EEFSEC: variants seen among roughly 807,000 people sequenced by gnomAD.
EEFSEC encodes eukaryotic elongation factor, selenocysteine-tRNA specific.
A neutral mutation model predicts 42.1 loss-of-function variants in EEFSEC; 43 were observed. That is an observed-to-expected ratio of 1.02 (90% confidence interval 0.80 to 1.32). The LOEUF (loss-of-function observed/expected upper bound fraction) is 1.32. EEFSEC is among the 40% of genes most tolerant of loss of function. The pLI, the probability that EEFSEC is intolerant of heterozygous loss-of-function variation, is 0.00. For synonymous variants in EEFSEC, 354 were observed against 339.1 expected, an observed-to-expected ratio of 1.04 and a Z score of -0.48; for missense variants, 745 against 803.6, an observed-to-expected ratio of 0.93 and a Z score of 0.88.
chr3:128,335,336 AG>A (rs1390730422), intron 4 of EEFSEC, among the ~76,000 whole-genome samples: 1 of 152,192 alleles, frequency 6.6e-6, no homozygotes, highest in Non-Finnish European at 1.5e-5. Flanking sequence ...AGAGAGTGAC[AG>A]GGATAGGCCA....
chr3:128,289,264 C>T (rs1472200028), intron 4 of EEFSEC, among the ~76,000 whole-genome samples: 1 of 152,188 alleles, frequency 6.6e-6, no homozygotes, highest in Non-Finnish European at 1.5e-5. Flanking sequence ...TCCCCACTCC[C>T]GCTTTATAGG....
intron 1 of EEFSEC, among the ~76,000 whole-genome samples, chr3:128,196,560 T>A (rs537847109): frequency 2.0e-5 from 3 of 152,366 alleles, no homozygotes; most frequent in African/African-American, 7.2e-5. Flanking sequence ...TAATTTTTTT[T>A]GGCTGCTTTT....
intron 1 of EEFSEC, among the ~76,000 whole-genome samples, chr3:128,180,997 G>A (rs2065399494): frequency 1.3e-5 from 2 of 152,206 alleles, no homozygotes; most frequent in East Asian, 1.9e-4. Flanking sequence ...AAATTTGAGA[G>A]ATCACTCCTG....
chr3:128,381,921 G>C (rs1368776415), intron 6 of EEFSEC, among the ~76,000 whole-genome samples: 1 of 152,214 alleles, frequency 6.6e-6, no homozygotes, highest in African/African-American at 2.4e-5. Context: ...GGCTGGGGCA[G>C]CAGGGAGCAG....
chr3:128,182,863 A>C (rs959024894), intron 1 of EEFSEC, among the ~76,000 whole-genome samples: 1 of 107,786 alleles, frequency 9.3e-6, no homozygotes, highest in Non-Finnish European at 1.7e-5. Flanking sequence ...CCTGCTTCCC[A>C]CCAGCCACAG....
chr3:128,287,083 A>G (rs1192406701), intron 4 of EEFSEC, among the ~76,000 whole-genome samples: 1 of 152,148 alleles, frequency 6.6e-6, no homozygotes, highest in African/African-American at 2.4e-5. Context: ...GTGGTTTTTT[A>G]CTGTGGTTGT....
intron 6 of EEFSEC, among the ~76,000 whole-genome samples, chr3:128,371,693 G>A (rs528764592): frequency 2.0e-4 from 31 of 152,306 alleles, no homozygotes; most frequent in African/African-American, 5.8e-4. Context: ...GGTGCAGAAT[G>A]AGGAGGGTGA....
intron 4 of EEFSEC, among the ~76,000 whole-genome samples, chr3:128,323,052 T>G (rs1035593264): frequency 6.6e-6 from 1 of 152,190 alleles, no homozygotes; most frequent in African/African-American, 2.4e-5. Flanking sequence ...TGATAAAGTT[T>G]TAAGATATTT....
chr3:128,278,351 G>A (rs546377957), intron 4 of EEFSEC, among the ~76,000 whole-genome samples: 5 of 152,308 alleles, frequency 3.3e-5, no homozygotes, highest in South Asian at 2.1e-4. Flanking sequence ...AAGGGGAGAG[G>A]CATATTACCG....
chr3:128,293,660 C>CAAAAAAAAAAAAAAAAAAAAAAAAAAAAA (rs759485696), intron 4 of EEFSEC, among the ~76,000 whole-genome samples: 1 of 14,142 alleles, frequency 7.1e-5, no homozygotes, highest in African/African-American at 1.4e-4. Flanking sequence ...GACTCTATCT[C>CAAAAAAAAAAAAAAAAAAAAAAAAAAAAA]AAAAAAAAAA....
intron 4 of EEFSEC, among the ~76,000 whole-genome samples, chr3:128,325,343 T>G (rs1283682367): frequency 1.3e-5 from 2 of 152,366 alleles, no homozygotes; most frequent in East Asian, 3.9e-4. Flanking sequence ...CCAAATGAGC[T>G]CCCACTTCAG....
At chr3:128,301,234 G>A (rs916539869) in intron 4 of EEFSEC, among the ~76,000 whole-genome samples, 1 of 152,166 alleles carries the variant, frequency 6.6e-6, no homozygotes, top group South Asian at 2.1e-4. Context: ...GTGGTGAAAG[G>A]TTACATAACT....
chr3:128,264,931 G>C (rs2066337820), intron 4 of EEFSEC, 150 bp downstream of exon 4: 1 of 858,650 alleles, frequency 1.2e-6, no homozygotes, highest in African/African-American at 1.7e-5. Flanking sequence ...CTGGCTGCCT[G>C]GCCCCGCCCG....
chr3:128,158,592 A>G (rs1944419748), intron 1 of EEFSEC, among the ~76,000 whole-genome samples: 1 of 152,280 alleles, frequency 6.6e-6, no homozygotes, highest in Non-Finnish European at 1.5e-5. Flanking sequence ...CTGAAGGTTC[A>G]GTAATCATTA....
At chr3:128,322,002 G>A (rs1421430903) in intron 4 of EEFSEC, among the ~76,000 whole-genome samples, 4 of 152,316 alleles carry the variant, frequency 2.6e-5, no homozygotes, top group Non-Finnish European at 4.4e-5. Context: ...AGCAGTGCTC[G>A]TTCACACAGC....
At chr3:128,290,869 C>T (rs1477949576) in intron 4 of EEFSEC, among the ~76,000 whole-genome samples, 1 of 152,068 alleles carries the variant, frequency 6.6e-6, no homozygotes, top group Non-Finnish European at 1.5e-5. Context: ...CCTCAGCCTC[C>T]CAAGAAGCGG....
intron 4 of EEFSEC, among the ~76,000 whole-genome samples, chr3:128,273,382 C>CGAACTCAGGAAGACT (rs1264797706): frequency 7.2e-5 from 11 of 152,344 alleles, no homozygotes; most frequent in African/African-American, 2.6e-4. Context: ...AGGAAGACTT[C>CGAACTCAGGAAGACT]TCTCTGCAGG....
intron 5 of EEFSEC, among the ~76,000 whole-genome samples, chr3:128,350,503 G>T (rs1462120114): frequency 1.3e-5 from 2 of 152,206 alleles, no homozygotes; most frequent in African/African-American, 4.8e-5. Flanking sequence ...AGGTTGAGAA[G>T]CTCTTTCCCC....
chr3:128,341,791 A>G lies in EEFSEC; in HGVS notation c.1345A>G (p.Ile449Val), dbSNP rs770081501. Residue 449 changes from isoleucine (I) to valine (V), a missense_variant, in exon 5 of 7, where the codon ATC (isoleucine) becomes GTC (valine). By Grantham distance (29) the Ile-to-Val change is conservative. Transcript: ENST00000254730. ...CACGTGCCGGCTAGCCTTCCATGGC[A>G]TCCTGCTCCACGGGCTAGAGGACAG... is the stretch of plus-strand genomic sequence containing the variant. ...TNTCRLAFHG[I>V]LLHGLEDRNY... 5 of 1,614,100 alleles carry G rather than the reference A, an allele frequency of 3.1e-6. No individual in the cohort carries two copies. In the South Asian group the frequency reaches 5.5e-5, roughly 18 times the overall value.
Sources: gnomAD v4.1 joint callset for allele counts (sites outside exome capture counted in the v4.1 genomes callset) on GRCh38, gnomAD v4.1.1 for gene constraint, MANE v1.5 for transcripts, NCBI Gene and HGNC (gene_info 2026-07-23, HGNC 2026-07-21) for gene names.